GALNT16: variants seen among roughly 807,000 people sequenced by gnomAD.
GALNT16 encodes the protein UDP-GalNAc:polypeptide N-acetylgalactosaminyltransferase-like protein 1.
A neutral mutation model predicts 76.1 loss-of-function variants in GALNT16; 40 were observed. That is an observed-to-expected ratio of 0.53 (90% confidence interval 0.41 to 0.68). The LOEUF is 0.68. Among genes scored for constraint, GALNT16 ranks in the 30% least tolerant of loss-of-function variants. The pLI is 0.00. For missense variants in GALNT16, 621 were observed against 731.9 expected (o/e 0.85, Z 1.75); for synonymous variants, 276 against 285.2 (o/e 0.97, Z 0.32).
intron 1 of GALNT16, among the ~76,000 whole-genome samples, chr14:69,267,906 A>G (rs899818486): frequency 6.6e-6 from 1 of 152,216 alleles, no homozygotes; most frequent in Non-Finnish European, 1.5e-5. Context: ...GCCTTCAGCC[A>G]GGGCTTAAGT....
the GALNT16 span, among the ~76,000 whole-genome samples, chr14:69,381,871 G>A: frequency 1.3e-5 from 2 of 152,194 alleles, no homozygotes; most frequent in South Asian, 4.1e-4. Flanking sequence ...TGTATTTTTA[G>A]TAGAGACCAG....
intron 12 of GALNT16, among the ~76,000 whole-genome samples, chr14:69,344,149 G>T (rs1268865826): frequency 6.6e-6 from 1 of 152,222 alleles, no homozygotes; most frequent in African/African-American, 2.4e-5. Context: ...AGACCGAGGA[G>T]GCTGAAAGAA....
the GALNT16 span, among the ~76,000 whole-genome samples, chr14:69,368,099 G>C: frequency 6.6e-6 from 1 of 152,188 alleles, no homozygotes; most frequent in Admixed American, 6.5e-5. Context: ...GAAGAGGACA[G>C]ACTATTAGAG....
intron 1 of GALNT16, among the ~76,000 whole-genome samples, chr14:69,295,084 A>T (rs536831084): frequency 6.6e-6 from 1 of 152,340 alleles, no homozygotes; most frequent in South Asian, 2.1e-4. Context: ...AAATTTAAAC[A>T]TACAATGAAC....
At chr14:69,294,269 G>A (rs1307170156) in intron 1 of GALNT16, among the ~76,000 whole-genome samples, 2 of 152,044 alleles carry the variant, frequency 1.3e-5, no homozygotes, top group East Asian at 1.9e-4. Context: ...TTACAGGTGC[G>A]TGCCACTGCG....
At chr14:69,375,813 T>C in the GALNT16 span, among the ~76,000 whole-genome samples, 1 of 152,178 alleles carries the variant, frequency 6.6e-6, no homozygotes, top group African/African-American at 2.4e-5. Flanking sequence ...TTTAAATTTT[T>C]ATTTCGTAGA....
intron 1 of GALNT16, among the ~76,000 whole-genome samples, chr14:69,266,222 T>TG (rs1417132472): frequency 6.6e-6 from 1 of 152,118 alleles, no homozygotes; most frequent in Non-Finnish European, 1.5e-5. Context: ...AAACATTCGA[T>TG]GGGGAAAAAA....
chr14:69,336,276 A>C (rs2045414269), intron 9 of GALNT16, among the ~76,000 whole-genome samples: 1 of 152,098 alleles, frequency 6.6e-6, no homozygotes, highest in South Asian at 2.1e-4. Context: ...GGCCCGGCTA[A>C]TTTTTGTATT....
At chr14:69,335,496 G>T (rs1281400169) in intron 9 of GALNT16, among the ~76,000 whole-genome samples, 1 of 152,228 alleles carries the variant, frequency 6.6e-6, no homozygotes, top group Non-Finnish European at 1.5e-5. Flanking sequence ...CAGTCTCCTT[G>T]CTCTGCCTCC....
At chr14:69,275,437 G>A (rs556940574) in intron 1 of GALNT16, among the ~76,000 whole-genome samples, 1 of 152,326 alleles carries the variant, frequency 6.6e-6, no homozygotes, top group Non-Finnish European at 1.5e-5. Flanking sequence ...GAACTGCATT[G>A]CAGAATTGAT....
chr14:69,331,342 A>G (rs1225396753), intron 6 of GALNT16, 122 bp from the exon 7 acceptor site: 4 of 697,124 alleles, frequency 5.7e-6, no homozygotes, highest in Non-Finnish European at 1.0e-5. Flanking sequence ...GGCCCTGGGC[A>G]TACCCTGCAG....
chr14:69,347,877 G>T lies in GALNT16; in HGVS notation c.1414G>T (p.Ala472Ser). The change falls in exon 14 of 15, where the codon GCA becomes TCA. Residue 472 changes from alanine (A) to serine (S), a missense_variant and splice_region_variant. Physicochemically the swap from Ala to Ser is moderately conservative, Grantham distance 99. Coordinates refer to ENST00000448469, the MANE Select transcript of GALNT16 (RefSeq NM_001168368.2). ...GGCCTTTCTGCTCCCTGCCTTGCAG[G>T]CATGGCTGTTCAGTGACCACCTCAT... Reference protein sequence around the residue: ...GSAKNPQPAQAWLFSDHLIQQ... With the variant: ...GSAKNPQPAQSWLFSDHLIQQ... The T allele has an allele frequency of 1.9e-6, 3 of 1,613,208 alleles. No homozygotes were observed. Among genetic ancestry groups the T allele is most frequent in the Non-Finnish European group, 2.5e-6 (3 of 1,179,994 alleles).
At chr14:69,351,665 T>G in intron 14 of GALNT16, 1 of 165,908 alleles carries the variant, frequency 6.0e-6, no homozygotes, top group Non-Finnish European at 1.3e-5. Context: ...TCCCAGTGCT[T>G]TGGAAGGCCA....
the GALNT16 span, among the ~76,000 whole-genome samples, chr14:69,384,637 G>C: frequency 2.0e-5 from 3 of 152,080 alleles, no homozygotes; most frequent in Non-Finnish European, 1.5e-5. Flanking sequence ...AATCAATGCA[G>C]AATATAGCTC....
chr14:69,329,752 C>T (rs985550483), intron 6 of GALNT16, among the ~76,000 whole-genome samples: 2 of 151,970 alleles, frequency 1.3e-5, no homozygotes, highest in African/African-American at 2.4e-5. Flanking sequence ...CCTCACATGG[C>T]GAGAGTGGGG....
At chr14:69,269,498 G>GA (rs1566858468) in intron 1 of GALNT16, among the ~76,000 whole-genome samples, 2 of 149,468 alleles carry the variant, frequency 1.3e-5, no homozygotes, top group African/African-American at 4.9e-5. Context: ...TGTGTGTGTG[G>GA]CATTTGTGTG....
chr14:69,351,847 G>A, intron 14 of GALNT16, 184 bp from the exon 15 acceptor site: 1 of 556,290 alleles, frequency 1.8e-6, no homozygotes, highest in Non-Finnish European at 3.1e-6. Flanking sequence ...AGGAGTTCGA[G>A]GCTGCAGTGA....
intron 6 of GALNT16, among the ~76,000 whole-genome samples, chr14:69,330,445 TG>T (rs2045338790): frequency 6.6e-6 from 1 of 152,258 alleles, no homozygotes; most frequent in Non-Finnish European, 1.5e-5. Context: ...ATAGTGGTGA[TG>T]GTTGTACAAT....
At chr14:69,283,855 A>G (rs1476510845) in intron 1 of GALNT16, among the ~76,000 whole-genome samples, 1 of 152,150 alleles carries the variant, frequency 6.6e-6, no homozygotes, top group Non-Finnish European at 1.5e-5. Flanking sequence ...TTTAAGATAT[A>G]TTCATTATGC....
Sources: gnomAD v4.1 joint callset for allele counts (sites outside exome capture counted in the v4.1 genomes callset) on GRCh38, gnomAD v4.1.1 for gene constraint, MANE v1.5 for transcripts, NCBI Gene and HGNC (gene_info 2026-07-23, HGNC 2026-07-21) for gene names.